The following SMAD6 variants were observed in gnomAD, a reference collection of about 807,000 sequenced individuals.
The protein encoded by SMAD6 is MAD homolog 6.
A neutral mutation model predicts 39.4 loss-of-function variants in SMAD6; 103 were observed. The observed-to-expected ratio is 2.62, with a 90% CI of 2.23 to 3.08. The LOEUF (loss-of-function observed/expected upper bound fraction) is 3.08. Ranked by LOEUF, SMAD6 falls within the 30% of genes most tolerant of loss-of-function variation. The pLI, the probability that SMAD6 is intolerant of heterozygous loss-of-function variation, is 0.00. For missense variants in SMAD6, 1,104 were observed against 742.9 expected (o/e 1.49, Z -5.65); for synonymous variants, 445 against 353.3 (o/e 1.26, Z -2.91).
intron 3 of SMAD6, among the ~76,000 whole-genome samples, chr15:66,739,089 CTTTT>C (rs56853022): frequency 7.4e-6 from 1 of 135,732 alleles, no homozygotes; most frequent in Non-Finnish European, 1.6e-5. Context: ...TTTTCTTCTT[CTTTT>C]TTTTTTTTTT....
At chr15:66,773,081 G>T (rs1894405629) in intron 3 of SMAD6, among the ~76,000 whole-genome samples, 1 of 152,138 alleles carries the variant, frequency 6.6e-6, no homozygotes, top group Admixed American at 6.5e-5. Flanking sequence ...CGCCAAAAGA[G>T]CCCCTGAGGT....
intron 3 of SMAD6, among the ~76,000 whole-genome samples, chr15:66,752,212 C>A (rs1258079048): frequency 6.6e-6 from 1 of 152,106 alleles, no homozygotes; most frequent in Non-Finnish European, 1.5e-5. Flanking sequence ...TCTCATAGGT[C>A]AGGACGGCTG....
chr15:66,781,113 T>G lies in SMAD6; in HGVS notation c.1069T>G (p.Phe357Val). The part of the protein sequence containing the change: ...YAVYDQAVSI[F>V]YDLPQGSGFC... ...GGTGTACGACCAGGCCGTCAGCATC[T>G]TCTACGACCTACCTCAGGGCAGCGG... The change falls in exon 4 of 4, where the codon TTC becomes GTC. Residue 357 changes from phenylalanine (F) to valine (V), a missense_variant. Coordinates refer to ENST00000288840, the MANE Select transcript of SMAD6 (RefSeq NM_005585.5). 1 of 1,609,028 alleles carries G rather than the reference T, an allele frequency of 6.2e-7. No individual in the cohort carries two copies. The highest frequency in any genetic ancestry group is 8.5e-7 in the Non-Finnish European group (1 of 1,179,722).
Position 66,708,520 on chromosome 15 carries a change from A to G in SMAD6, c.818-3148A>G, listed in dbSNP as rs768079244. ...ACAGCCAAAGAGAGGAAGCAACCCA[A>G]ATGTCCATTAGCTGATAAATGGATA... On this transcript the variant is annotated intron_variant, in intron 1 of 3. Coordinates refer to ENST00000288840, the MANE Select transcript of SMAD6 (RefSeq NM_005585.5). Among the ~76,000 whole-genome samples, 6 of 152,218 alleles carry G rather than the reference A, an allele frequency of 3.9e-5. No homozygotes were observed. The East Asian group carries it at 1.2e-3, about 29-fold the overall frequency.
At position 66,781,931 on chromosome 15, in the gene SMAD6, T is replaced by C. The variant is rs1197323460; in HGVS notation, c.*396T>C. 4.0e-5 allele frequency: 16 copies of C among 398,826 alleles called. No individual in the cohort carries two copies. The highest frequency in any genetic ancestry group is 4.4e-5 in the Admixed American group (1 of 22,706). The allele number at this position is 398,826 out of a possible 1,614,324, so 24.7% of individuals were successfully genotyped here. On this transcript the variant is annotated 3_prime_UTR_variant, in exon 4 of 4. Coordinates refer to ENST00000288840, the MANE Select transcript of SMAD6 (RefSeq NM_005585.5). ...GGTTTGGTGTATGGTTTTTGAGATATTAATGCCCAGACAAAAAGCTAATAC... is the reference window on the plus strand; with the variant it reads ...GGTTTGGTGTATGGTTTTTGAGATACTAATGCCCAGACAAAAAGCTAATAC...
chr15:66,735,997 GT>G (rs1218318869), intron 3 of SMAD6, among the ~76,000 whole-genome samples: 1 of 152,138 alleles, frequency 6.6e-6, no homozygotes, highest in Admixed American at 6.5e-5. Flanking sequence ...TTCACTTTTG[GT>G]GATGCTTGAA....
intron 3 of SMAD6, 136 bp downstream of exon 3, chr15:66,716,634 A>C: frequency 1.4e-6 from 1 of 724,660 alleles, no homozygotes; most frequent in Admixed American, 2.2e-5. Flanking sequence ...TTGGATGGGA[A>C]GGTTGCCAAT....
At chr15:66,707,800 C>G (rs1489552222) in intron 1 of SMAD6, 1 of 152,422 alleles carries the variant, frequency 6.6e-6, no homozygotes, top group African/African-American at 2.4e-5. Context: ...CACAGCCCCT[C>G]TTTGGGAGGG....
In SMAD6 at chr15:66,717,033, G is replaced by A. The variant is rs1354105512; in HGVS notation, c.952+535G>A. The A allele has an allele frequency of 7.8e-6, 10 of 1,289,318 alleles. No individual in the cohort carries two copies. The East Asian group carries it at 2.2e-4, about 29-fold the overall frequency. 79.9% of individuals were successfully genotyped at this position (1,289,318 alleles called of 1,614,324 possible). A position where few individuals can be genotyped will look rare whatever the true frequency, so the allele number is the denominator to read the frequency against. On this transcript the variant is annotated intron_variant, in intron 3 of 3. Transcript: ENST00000288840. ...GCAGCAGATGCTGGGATAGGAAGCC[G>A]AGGGAACCGTGGTTTGGAGTCCTCT...
At chr15:66,726,001 A>G (rs1265929901) in intron 3 of SMAD6, among the ~76,000 whole-genome samples, 1 of 152,088 alleles carries the variant, frequency 6.6e-6, no homozygotes, top group Non-Finnish European at 1.5e-5. Context: ...TTCAGGGGAA[A>G]TGTCCCTGGC....
Position 66,781,077 on chromosome 15 carries a change from C to T in SMAD6, c.1033C>T (p.Arg345Cys). Residue 345 changes from arginine to cysteine, a missense_variant, in exon 4 of 4, where the codon CGC becomes TGC. Physicochemically the swap from Arg to Cys is radical, Grantham distance 180 (BLOSUM62 -3). Coordinates refer to ENST00000288840, the MANE Select transcript of SMAD6 (RefSeq NM_005585.5). ...AYWEHRTRVG[R>C]LYAVYDQAVS... ...CTGGGAGCACCGGACGCGCGTGGGC[C>T]GCCTCTATGCGGTGTACGACCAGGC... is the stretch of plus-strand genomic sequence containing the variant. 1 of 1,606,322 alleles carries T rather than the reference C, an allele frequency of 6.2e-7. No homozygotes were observed. Among genetic ancestry groups the T allele is most frequent in the Non-Finnish European group, 8.5e-7 (1 of 1,179,038 alleles).
intron 3 of SMAD6, among the ~76,000 whole-genome samples, chr15:66,774,084 T>C (rs1311165000): frequency 6.6e-6 from 1 of 152,194 alleles, no homozygotes; most frequent in African/African-American, 2.4e-5. Context: ...ACGAATGCCC[T>C]GAACCTTTGA....
intron 3 of SMAD6, among the ~76,000 whole-genome samples, chr15:66,730,931 T>G (rs1333968442): frequency 6.6e-6 from 1 of 152,324 alleles, no homozygotes; most frequent in East Asian, 1.9e-4. Context: ...TGGGCCAGAA[T>G]GGTTGTCACA....
At chr15:66,771,203 C>T (rs1167785096) in intron 3 of SMAD6, among the ~76,000 whole-genome samples, 2 of 152,096 alleles carry the variant, frequency 1.3e-5, no homozygotes, top group Non-Finnish European at 2.9e-5. Context: ...TCCCCTTGCC[C>T]GTTGGAGTGG....
chr15:66,748,040 C>A (rs1237526260), intron 3 of SMAD6, among the ~76,000 whole-genome samples: 1 of 152,154 alleles, frequency 6.6e-6, no homozygotes, highest in Non-Finnish European at 1.5e-5. Context: ...CCTCCCTGGG[C>A]TCCATAAATC....
chr15:66,781,826 T>A lies in SMAD6; in HGVS notation c.*291T>A, dbSNP rs1289669461. The A allele has an allele frequency of 1.5e-5, 6 of 398,796 alleles. No individual in the cohort carries two copies. The highest frequency in any genetic ancestry group is 2.2e-5 in the Non-Finnish European group (5 of 226,084). 24.7% of individuals were successfully genotyped at this position (398,796 alleles called of 1,614,324 possible). ...TCTTTCAATACAGATATATTTTCTT[T>A]CTCTTCCTCCTTCCTCTTCCTTACT... On this transcript the variant is annotated 3_prime_UTR_variant, in exon 4 of 4. Transcript: ENST00000288840.
intron 3 of SMAD6, among the ~76,000 whole-genome samples, chr15:66,772,303 A>G (rs965253952): frequency 3.9e-5 from 6 of 152,332 alleles, no homozygotes; most frequent in Middle Eastern, 6.8e-3. Context: ...CAGCTCCCTC[A>G]TCTTAAGATG....
At chr15:66,729,743 G>T (rs1421382640) in intron 3 of SMAD6, among the ~76,000 whole-genome samples, 1 of 152,296 alleles carries the variant, frequency 6.6e-6, no homozygotes, top group East Asian at 1.9e-4. Context: ...TTATAGGCTT[G>T]ATTCACGACC....
chr15:66,753,675 C>G (rs964281205), intron 3 of SMAD6, among the ~76,000 whole-genome samples: 4 of 152,236 alleles, frequency 2.6e-5, no homozygotes, highest in African/African-American at 9.6e-5. Context: ...ACTTGCTCCC[C>G]ACCTTGCGCA....
Sources: allele counts gnomAD v4.1 joint callset (sites outside exome capture counted in the v4.1 genomes callset), GRCh38; gene constraint gnomAD v4.1.1; transcripts MANE v1.5; gene names NCBI Gene and HGNC (gene_info 2026-07-23, HGNC 2026-07-21).